EFCAB11: variants seen among roughly 807,000 people sequenced by gnomAD.
The protein encoded by EFCAB11 is EF-hand calcium-binding domain-containing protein 11.
Under a neutral mutation model 23.0 loss-of-function variants are expected in EFCAB11, and 14 were observed. The ratio of observed to expected loss-of-function variants is 0.61; its 90% CI spans 0.40 to 0.95. The LOEUF is 0.95. Among genes scored for constraint, EFCAB11 ranks in the 40% least tolerant of loss-of-function variants. The pLI, the probability that EFCAB11 is intolerant of heterozygous loss-of-function variation, is 0.00. For synonymous variants in EFCAB11, 65 were observed against 66.6 expected (o/e 0.98, Z 0.11); for missense variants, 198 against 195.8 (o/e 1.01, Z -0.07).
intron 5 of EFCAB11, among the ~76,000 whole-genome samples, chr14:89,806,315 A>G (rs774922453): frequency 1.3e-5 from 2 of 152,230 alleles, no homozygotes; most frequent in Non-Finnish European, 2.9e-5. Context: ...ACTTGTAGAC[A>G]TGTGGATAAA....
chr14:89,904,041 A>G (rs1393383988), intron 5 of EFCAB11, among the ~76,000 whole-genome samples: 2 of 152,082 alleles, frequency 1.3e-5, no homozygotes, highest in Non-Finnish European at 2.9e-5. Context: ...GGTTTGTTAC[A>G]TAGGTATACA....
chr14:89,919,484 G>A (rs2139783268), intron 5 of EFCAB11, among the ~76,000 whole-genome samples: 1 of 152,288 alleles, frequency 6.6e-6, no homozygotes, highest in African/African-American at 2.4e-5. Flanking sequence ...GACTAGAGGT[G>A]TGGCATGTGG....
chr14:89,935,542 G>C (rs1402041369), intron 3 of EFCAB11, among the ~76,000 whole-genome samples: 4 of 151,982 alleles, frequency 2.6e-5, no homozygotes, highest in Non-Finnish European at 5.9e-5. Flanking sequence ...CTCCCCAGTA[G>C]CCGGAACTAA....
intron 5 of EFCAB11, among the ~76,000 whole-genome samples, chr14:89,922,155 C>T (rs1890038183): frequency 6.6e-6 from 1 of 152,214 alleles, no homozygotes; most frequent in Non-Finnish European, 1.5e-5. Context: ...GCAAGAACAG[C>T]ATATTCAGCC....
intron 5 of EFCAB11, among the ~76,000 whole-genome samples, chr14:89,869,867 AT>A (rs1457556530): frequency 6.6e-6 from 1 of 152,226 alleles, no homozygotes; most frequent in Non-Finnish European, 1.5e-5. Context: ...CGCAAGTGTG[AT>A]AAGGGCTGGT....
At chr14:89,924,794 G>A in intron 5 of EFCAB11, 1 of 1,127,344 alleles carries the variant, frequency 8.9e-7, no homozygotes. Context: ...CATTTTAAAG[G>A]ACTCTTTCCT....
chr14:89,924,728 T>A, intron 5 of EFCAB11: 2 of 1,531,760 alleles, frequency 1.3e-6, no homozygotes, highest in African/African-American at 1.4e-5. Flanking sequence ...GAAAATCACA[T>A]GTAGACAGAG....
At chr14:89,953,871 T>C in intron 2 of EFCAB11, 35 bp downstream of exon 2, 2 of 1,567,058 alleles carry the variant, frequency 1.3e-6, no homozygotes, top group Non-Finnish European at 1.8e-6. Flanking sequence ...CCTTTGATCG[T>C]CTACCCCATC....
At chr14:89,949,957 C>T (rs971717338) in intron 3 of EFCAB11, 140 bp downstream of exon 3, 19 of 900,302 alleles carry the variant, frequency 2.1e-5, no homozygotes, top group East Asian at 3.2e-5. Flanking sequence ...GCGAAAAACC[C>T]GCCCCCATGA....
At chr14:89,891,881 G>A (rs1888978323) in intron 5 of EFCAB11, among the ~76,000 whole-genome samples, 1 of 152,036 alleles carries the variant, frequency 6.6e-6, no homozygotes, top group African/African-American at 2.4e-5. Flanking sequence ...GCGGAGCTAC[G>A]TGGCGGGCGC....
At chr14:89,813,329 A>G (rs769987311) in intron 5 of EFCAB11, among the ~76,000 whole-genome samples, 3 of 152,204 alleles carry the variant, frequency 2.0e-5, no homozygotes, top group Non-Finnish European at 4.4e-5. Flanking sequence ...ACAGCTCCTA[A>G]GAAGATAAAA....
intron 5 of EFCAB11, among the ~76,000 whole-genome samples, chr14:89,881,785 A>G (rs1385870160): frequency 2.0e-5 from 3 of 152,050 alleles, no homozygotes; most frequent in African/African-American, 7.2e-5. Flanking sequence ...TACCAACTAT[A>G]CAAAATCTGT....
At chr14:89,928,682 T>C in intron 5 of EFCAB11, among the ~76,000 whole-genome samples, 1 of 148,368 alleles carries the variant, frequency 6.7e-6, no homozygotes, top group South Asian at 2.1e-4. Flanking sequence ...TTATGTATGT[T>C]TATATATGTT....
At chr14:89,934,118 AT>A (rs1890493575) in intron 3 of EFCAB11, among the ~76,000 whole-genome samples, 1 of 152,160 alleles carries the variant, frequency 6.6e-6, no homozygotes. Context: ...ACAGTAAATA[AT>A]TTGGGTTTTA....
At chr14:89,894,622 A>G (rs1008428383) in intron 5 of EFCAB11, among the ~76,000 whole-genome samples, 1 of 152,220 alleles carries the variant, frequency 6.6e-6, no homozygotes, top group Non-Finnish European at 1.5e-5. Context: ...TTTGAGTTTC[A>G]GAACAAGACA....
intron 5 of EFCAB11, among the ~76,000 whole-genome samples, chr14:89,902,542 T>G (rs1158024572): frequency 2.0e-5 from 3 of 152,162 alleles, no homozygotes; most frequent in Non-Finnish European, 4.4e-5. Context: ...CCAGCCCAAT[T>G]TAAAATCCTT....
At chr14:89,797,975 G>C (rs1885632971) in intron 5 of EFCAB11, among the ~76,000 whole-genome samples, 1 of 152,238 alleles carries the variant, frequency 6.6e-6, no homozygotes, top group South Asian at 2.1e-4. Context: ...TAACTGGTGA[G>C]TAGTGGTCCC....
chr14:89,917,056 G>A (rs1889868779), intron 5 of EFCAB11, among the ~76,000 whole-genome samples: 1 of 39,004 alleles, frequency 2.6e-5, no homozygotes. Context: ...CATGCTTCGT[G>A]TGTGTGTGTG....
At chr14:89,953,148 T>C (rs1467564063) in intron 2 of EFCAB11, among the ~76,000 whole-genome samples, 4 of 151,912 alleles carry the variant, frequency 2.6e-5, no homozygotes, top group African/African-American at 4.8e-5. Context: ...TAGGAACTTA[T>C]TCCACAGATA....
Sources: allele counts gnomAD v4.1 joint callset (sites outside exome capture counted in the v4.1 genomes callset), GRCh38; gene constraint gnomAD v4.1.1; transcripts MANE v1.5; gene names NCBI Gene and HGNC (gene_info 2026-07-23, HGNC 2026-07-21).